Variants in ANKRD11 observed in about 807,000 individuals in gnomAD.
ANKRD11 encodes ankyrin repeat domain-containing protein 11.
ANKRD11 carries 17 observed loss-of-function variants against 195.7 expected under a neutral mutation model. The observed-to-expected ratio is 0.09, with a 90% CI of 0.06 to 0.13. The LOEUF (loss-of-function observed/expected upper bound fraction) is 0.13, where lower values mean the gene tolerates loss of function less well. Ranked by LOEUF, ANKRD11 falls within the 10% of genes least tolerant of loss-of-function variation. ANKRD11 has a pLI of 1.00. For synonymous variants in ANKRD11, 1,953 were observed against 1,528.1 expected, an observed-to-expected ratio of 1.28 and a Z score of -6.49; for missense variants, 3,735 against 3,566.1, an observed-to-expected ratio of 1.05 and a Z score of -1.21.
intron 2 of ANKRD11, chr16:89,323,000 T>C (rs545608081): frequency 3.3e-6 from 1 of 299,370 alleles, no homozygotes; most frequent in African/African-American, 2.3e-5. Flanking sequence ...CGTGGCACCA[T>C]GCCCGGCTAA....
At chr16:89,447,404 T>A (rs1451155351) in intron 1 of ANKRD11, among the ~76,000 whole-genome samples, 1 of 152,040 alleles carries the variant, frequency 6.6e-6, no homozygotes. Context: ...AAACATCACA[T>A]AGCACGATCT....
Position 89,282,165 on chromosome 16 carries a change from C to T in ANKRD11, c.4377G>A (p.Lys1459=), listed in dbSNP as rs773438678. The T allele has an allele frequency of 1.9e-6, 3 of 1,614,082 alleles. No homozygotes were observed. Among genetic ancestry groups the T allele is most frequent in the African/African-American group, 2.7e-5 (2 of 75,012 alleles). Residue 1459 remains lysine (K), a synonymous_variant, in exon 9 of 13, where the codon AAG becomes AAA. Transcript: ENST00000301030. ...TCTCCCTGTGTTTCTCTCTCTTCTT[C>T]TTCTCTTTTAGGATGTTGATGGCAC... ...GSSAINILKE[K]KKREKHREKW...
intron 1 of ANKRD11, among the ~76,000 whole-genome samples, chr16:89,487,640 G>A (rs184279967): frequency 0.017 from 2,558 of 152,162 alleles, 49 homozygotes; most frequent in African/African-American, 0.042. Flanking sequence ...CAGGCGTGGC[G>A]GTGGGCGCCT....
At chr16:89,469,372 C>A (rs1356371856) in intron 1 of ANKRD11, among the ~76,000 whole-genome samples, 1 of 152,068 alleles carries the variant, frequency 6.6e-6, no homozygotes, top group Non-Finnish European at 1.5e-5. Flanking sequence ...GAGGCAAACA[C>A]TGCCACGTCC....
chr16:89,432,426 G>A (rs1299814357), intron 1 of ANKRD11, among the ~76,000 whole-genome samples: 1 of 152,096 alleles, frequency 6.6e-6, no homozygotes, highest in Non-Finnish European at 1.5e-5. Context: ...CATGCACTGT[G>A]TTGAGGGGTG....
chr16:89,352,067 T>C (rs1468522411), intron 2 of ANKRD11, among the ~76,000 whole-genome samples: 2 of 152,046 alleles, frequency 1.3e-5, no homozygotes. Flanking sequence ...CCCAGGTAAT[T>C]TGTGTAGAGG....
chr16:89,371,490 G>A (rs559456299), intron 2 of ANKRD11, among the ~76,000 whole-genome samples: 1 of 152,226 alleles, frequency 6.6e-6, no homozygotes, highest in Non-Finnish European at 1.5e-5. Flanking sequence ...CTGGTGCCCA[G>A]GCTATGTGGT....
intron 1 of ANKRD11, among the ~76,000 whole-genome samples, chr16:89,485,045 G>C (rs777443646): frequency 6.7e-6 from 1 of 150,148 alleles, no homozygotes; most frequent in African/African-American, 2.4e-5. Context: ...CGGGTGTGGG[G>C]AAGCCCAGAA....
rs188394551 is a variant in ANKRD11, at chr16:89,426,200, A to G, written c.-144-7832T>C. 9.2e-5 allele frequency among the ~76,000 whole-genome samples: 14 copies of G among 152,298 alleles called. No homozygotes were observed. In the East Asian group the frequency reaches 1.7e-3, roughly 19 times the overall value. On this transcript the variant is annotated intron_variant, in intron 1 of 12. Transcript: ENST00000301030. ...TTTGAAAGTAAACAGATACACAGCT[A>G]TAACAAAAAAAACAAAGGAAGCTGT...
In ANKRD11 at chr16:89,305,283, T is replaced by A. The variant is rs1567614253; in HGVS notation, c.149A>T (p.Glu50Val). 6.2e-7 allele frequency: 1 copy of A among 1,613,974 alleles called. No individual in the cohort carries two copies. The highest frequency in any genetic ancestry group is 8.5e-7 in the Non-Finnish European group (1 of 1,179,920). Residue 50 changes from glutamate (E) to valine (V), a missense_variant, in exon 4 of 13, where the codon GAG (glutamate) becomes GTG (valine). By Grantham distance (121) the Glu-to-Val change is moderately radical. Transcript: ENST00000301030. ...PKLERGDGGKEVRERASKRKL... is the reference protein window; with the variant it reads ...PKLERGDGGKVVRERASKRKL... The stretch of plus-strand genomic sequence containing the variant: ...CCGCTTGCTGGCTCGCTCCCTCACC[T>A]CCTTCCCGCCATCGCCACGCTCCAG...
chr16:89,323,671 C>T (rs2037508664), intron 2 of ANKRD11: 1 of 309,750 alleles, frequency 3.2e-6, no homozygotes, highest in Non-Finnish European at 6.3e-6. Flanking sequence ...CACCGCCTGA[C>T]AGTCCACGTC....
At position 89,279,962 on chromosome 16, in the gene ANKRD11, G is replaced by T. The variant is rs201589586; in HGVS notation, c.6580C>A (p.Gln2194Lys). 2 of 1,610,456 alleles carry T rather than the reference G, an allele frequency of 1.2e-6. No homozygotes were observed. Among genetic ancestry groups the T allele is most frequent in the Non-Finnish European group, 1.7e-6 (2 of 1,179,932 alleles). Residue 2194 changes from glutamine to lysine, a missense_variant, in exon 9 of 13, where the codon CAG (glutamine) becomes AAG (lysine). Gln to Lys is a moderately conservative substitution (Grantham distance 53). Transcript: ENST00000301030. The surrounding 1 kb of genome is among the most constrained non-coding windows in gnomAD (Gnocchi z 5.6). ...AEEPPALPPD[Q>K]ASTRLPAELE... ...TCTGCAGGGAGCCGGGTGGAGGCCTGGTCAGGAGGCAGTGCCGGCGGCTCC... is the reference window on the plus strand; with the variant it reads ...TCTGCAGGGAGCCGGGTGGAGGCCTTGTCAGGAGGCAGTGCCGGCGGCTCC...
chr16:89,389,928 G>A (rs1315654526), intron 2 of ANKRD11, among the ~76,000 whole-genome samples: 25 of 95,098 alleles, frequency 2.6e-4, no homozygotes, highest in East Asian at 9.5e-4. Context: ...GGCGAACACC[G>A]AGTGTGGCGG....
chr16:89,416,300 G>C (rs966014994), intron 2 of ANKRD11, among the ~76,000 whole-genome samples: 5 of 151,730 alleles, frequency 3.3e-5, no homozygotes, highest in African/African-American at 1.2e-4. Context: ...TGAATCCATC[G>C]ATTTTTTTTT....
At chr16:89,403,009 A>G (rs1366397307) in intron 2 of ANKRD11, among the ~76,000 whole-genome samples, 3 of 152,130 alleles carry the variant, frequency 2.0e-5, no homozygotes, top group Non-Finnish European at 4.4e-5. Context: ...CCTCAGCCCC[A>G]CCATCAAACA....
intron 1 of ANKRD11, among the ~76,000 whole-genome samples, chr16:89,483,936 T>C (rs190029534): frequency 1.3e-5 from 2 of 152,280 alleles, no homozygotes; most frequent in African/African-American, 4.8e-5. Flanking sequence ...ATGTATGTAA[T>C]TTAAATAAAT....
intron 2 of ANKRD11, among the ~76,000 whole-genome samples, chr16:89,347,271 CAT>C (rs999428347): frequency 6.6e-6 from 1 of 152,142 alleles, no homozygotes; most frequent in African/African-American, 2.4e-5. Flanking sequence ...GACTGTCGCA[CAT>C]GTGTGTACCT....
chr16:89,276,621 C>G (rs1272375544), intron 9 of ANKRD11, among the ~76,000 whole-genome samples: 1 of 152,218 alleles, frequency 6.6e-6, no homozygotes, highest in Non-Finnish European at 1.5e-5. Flanking sequence ...CACGGGAGGG[C>G]CTGCCACAGC....
intron 1 of ANKRD11, among the ~76,000 whole-genome samples, chr16:89,454,404 G>C (rs924089858): frequency 6.6e-6 from 1 of 152,088 alleles, no homozygotes; most frequent in East Asian, 1.9e-4. Flanking sequence ...GACCTAGTGG[G>C]TAAAAAAACC....
Sources: gnomAD v4.1 joint callset for allele counts (sites outside exome capture counted in the v4.1 genomes callset) on GRCh38, gnomAD v4.1.1 for gene constraint, Gnocchi (gnomAD v3.1) non-coding constraint, MANE v1.5 for transcripts, NCBI Gene and HGNC (gene_info 2026-07-23, HGNC 2026-07-21) for gene names.